Variants in SEMA5B observed in about 807,000 individuals in gnomAD.
SEMA5B encodes semaphorin 5B.
SEMA5B carries 66 observed loss-of-function variants against 135.0 expected under a neutral mutation model. That is an observed-to-expected ratio of 0.49 (90% CI 0.40 to 0.60). The LOEUF is 0.60. Ranked by LOEUF, SEMA5B falls within the 20% of genes least tolerant of loss-of-function variation. The probability of loss-of-function intolerance (pLI) is 0.00; values close to 1 mark genes in which losing one functional copy is unlikely to be tolerated. For synonymous variants in SEMA5B, 690 were observed against 639.5 expected (o/e 1.08, Z -1.19); for missense variants, 1,501 against 1,566.3 (o/e 0.96, Z 0.70).
chr3:122,986,911 TGA>T (rs1221903803), intron 1 of SEMA5B, among the ~76,000 whole-genome samples: 2 of 152,048 alleles, frequency 1.3e-5, no homozygotes, highest in African/African-American at 2.4e-5. Context: ...GGCCCGGCCG[TGA>T]GCTAGCAGGC....
At chr3:122,942,493 C>T (rs1029140475) in intron 4 of SEMA5B, among the ~76,000 whole-genome samples, 6 of 152,138 alleles carry the variant, frequency 3.9e-5, no homozygotes, top group African/African-American at 9.7e-5. Context: ...CAGTCCCAGG[C>T]GATAACACAG....
intron 1 of SEMA5B, among the ~76,000 whole-genome samples, chr3:123,026,813 C>A (rs1942811151): frequency 6.6e-6 from 1 of 152,364 alleles, no homozygotes; most frequent in African/African-American, 2.4e-5. Flanking sequence ...TGCCGCACCC[C>A]TCTCCACCCT....
intron 1 of SEMA5B, among the ~76,000 whole-genome samples, chr3:122,990,484 A>G (rs1000400343): frequency 3.3e-5 from 5 of 152,094 alleles, no homozygotes; most frequent in African/African-American, 1.2e-4. Context: ...GTAGTTCTCA[A>G]CCAGGTGTAA....
At chr3:122,948,222 A>G (rs1248589563) in intron 3 of SEMA5B, among the ~76,000 whole-genome samples, 2 of 152,028 alleles carry the variant, frequency 1.3e-5, no homozygotes, top group Admixed American at 1.3e-4. Context: ...GGCATCCACA[A>G]CTTCCTTTTC....
At chr3:123,017,004 G>A (rs903755639) in intron 1 of SEMA5B, among the ~76,000 whole-genome samples, 1 of 149,102 alleles carries the variant, frequency 6.7e-6, no homozygotes, top group South Asian at 2.1e-4. Flanking sequence ...CCATTCTCCT[G>A]CCTCAGCCTC....
Position 122,927,903 on chromosome 3 carries a change from T to C in SEMA5B, c.737A>G (p.Glu246Gly). ...NSTAVISSQG[E>G]LYAATVIDFS... is the part of the protein sequence containing the mutation. ...GTCGATGACCGTGGCTGCATAGAGCTCCCCCTGGGAGGAGATGACAGCTGT... is the reference window on the plus strand; with the variant it reads ...GTCGATGACCGTGGCTGCATAGAGCCCCCCCTGGGAGGAGATGACAGCTGT... The change falls in exon 8 of 23, where the codon GAG becomes GGG. Residue 246 changes from glutamate to glycine, a missense_variant. Coordinates refer to ENST00000357599, the MANE Select transcript of SEMA5B (RefSeq NM_001031702.4). 1.3e-6 allele frequency: 2 copies of C among 1,593,850 alleles called. No individual in the cohort carries two copies. The highest frequency in any genetic ancestry group is 1.7e-5 in the Admixed American group (1 of 57,756).
At chr3:122,945,430 A>T (rs1325663730) in intron 3 of SEMA5B, among the ~76,000 whole-genome samples, 1 of 152,126 alleles carries the variant, frequency 6.6e-6, no homozygotes, top group Non-Finnish European at 1.5e-5. Context: ...GAAACCAAGG[A>T]TCCTCCTCCT....
At chr3:122,951,426 C>T (rs915958180) in intron 2 of SEMA5B, among the ~76,000 whole-genome samples, 2 of 152,122 alleles carry the variant, frequency 1.3e-5, no homozygotes, top group African/African-American at 4.8e-5. Flanking sequence ...AACATATTGG[C>T]TACTCAATAA....
Position 122,913,852 on chromosome 3 carries a change from C to A in SEMA5B, c.2132+6G>T. On this transcript the variant is annotated splice_donor_region_variant and intron_variant, in intron 15 of 22. Transcript: ENST00000357599. ...GGGACCTCAGAGCAAGCCTGTTCTC[C>A]CTCACCGTTCCTCCCGGCTCTTGCC... 6.3e-7 allele frequency: 1 copy of A among 1,596,836 alleles called. No individual in the cohort carries two copies. The highest frequency in any genetic ancestry group is 1.1e-5 in the South Asian group (1 of 88,096).
intron 1 of SEMA5B, among the ~76,000 whole-genome samples, chr3:123,008,981 G>T (rs1942377625): frequency 6.6e-6 from 1 of 152,186 alleles, no homozygotes; most frequent in Non-Finnish European, 1.5e-5. Flanking sequence ...CTTTGATGTG[G>T]CTCAGGCTGC....
chr3:122,964,865 G>A (rs574486381), intron 1 of SEMA5B, among the ~76,000 whole-genome samples: 31 of 152,246 alleles, frequency 2.0e-4, no homozygotes, highest in African/African-American at 7.2e-4. Flanking sequence ...TTAAACATCT[G>A]GTGTTTAATT....
intron 21 of SEMA5B, 37 bp downstream of exon 21, chr3:122,911,454 G>T: frequency 6.9e-6 from 11 of 1,594,468 alleles, no homozygotes; most frequent in Non-Finnish European, 9.4e-6. Flanking sequence ...GGAGGGCTGG[G>T]AGGACCGCAG....
chr3:122,924,623 C>A (rs1018337873), intron 9 of SEMA5B, among the ~76,000 whole-genome samples: 2 of 152,068 alleles, frequency 1.3e-5, no homozygotes, highest in African/African-American at 4.8e-5. Context: ...TGGGACATAC[C>A]CTCCCTGCCC....
chr3:123,015,735 T>A (rs940635929), intron 1 of SEMA5B, among the ~76,000 whole-genome samples: 2 of 152,220 alleles, frequency 1.3e-5, no homozygotes, highest in East Asian at 3.8e-4. Flanking sequence ...GGCCGTCTCA[T>A]GGGCACCTGA....
chr3:123,009,623 A>T (rs935289409), intron 1 of SEMA5B, among the ~76,000 whole-genome samples: 2 of 152,214 alleles, frequency 1.3e-5, no homozygotes, highest in Non-Finnish European at 2.9e-5. Flanking sequence ...GCACCCAGCC[A>T]GTGTCCCTTG....
intron 5 of SEMA5B, among the ~76,000 whole-genome samples, chr3:122,938,900 T>C (rs1308211785): frequency 1.3e-5 from 2 of 152,216 alleles, no homozygotes; most frequent in Non-Finnish European, 2.9e-5. Context: ...AAGTCCTTCT[T>C]GGCAGCAGAT....
intron 10 of SEMA5B, 58 bp downstream of exon 10, chr3:122,923,559 T>C: frequency 6.3e-7 from 1 of 1,598,628 alleles, no homozygotes; most frequent in Non-Finnish European, 8.6e-7. Flanking sequence ...AGCTTGTGGC[T>C]GGTAATCTGG....
chr3:122,966,581 G>C (rs1940841698), intron 1 of SEMA5B, among the ~76,000 whole-genome samples: 1 of 142,930 alleles, frequency 7.0e-6, no homozygotes, highest in Admixed American at 6.8e-5. Context: ...TTGAGACGGA[G>C]TCTCGCTCTA....
rs371408812 is a variant in SEMA5B, at chr3:122,943,652, G to T, written c.329-117C>A. ...AGGGGGAAGTGGGGCGGTGGCACCC[G>T]GGAGACCTGGTGCCACCTGCCCACC... On this transcript the variant is annotated intron_variant, in intron 3 of 22. Transcript: ENST00000357599. 1.9e-4 allele frequency: 131 copies of T among 704,136 alleles called. No homozygotes were observed. The African/African-American group carries it at 2.2e-3, about 12-fold the overall frequency. The allele number at this position is 704,136 out of a possible 1,614,324, so 43.6% of individuals were successfully genotyped here. A position where few individuals can be genotyped will look rare whatever the true frequency, so the allele number is the denominator to read the frequency against.
Sources: allele counts gnomAD v4.1 joint callset (sites outside exome capture counted in the v4.1 genomes callset), GRCh38; gene constraint gnomAD v4.1.1; transcripts MANE v1.5; gene names NCBI Gene and HGNC (gene_info 2026-07-23, HGNC 2026-07-21).